Variants in DMTN observed in about 807,000 individuals in gnomAD.
DMTN encodes the protein dematin.
DMTN carries 27 observed loss-of-function variants against 59.4 expected under a neutral mutation model. The ratio of observed to expected loss-of-function variants is 0.45; its 90% CI spans 0.33 to 0.63. The LOEUF is 0.63. DMTN is among the 20% of genes least tolerant of loss of function. The pLI, the probability that DMTN is intolerant of heterozygous loss-of-function variation, is 0.02. For synonymous variants in DMTN, 221 were observed against 203.7 expected (o/e 1.08, Z -0.72); for missense variants, 451 against 528.9 (o/e 0.85, Z 1.45).
upstream of DMTN, among the ~76,000 whole-genome samples, chr8:22,050,231 C>A (rs1801204257): frequency 6.6e-6 from 1 of 152,028 alleles, no homozygotes; most frequent in Admixed American, 6.6e-5. Context: ...TTAACGGGGG[C>A]AACACCCAGC....
chr8:22,072,488 GGAGTCTC>G (rs1471114505), intron 9 of DMTN, 38 bp downstream of exon 9: 1 of 1,527,232 alleles, frequency 6.5e-7, no homozygotes, highest in Non-Finnish European at 8.8e-7. Flanking sequence ...CCCCTGTGCA[GGAGTCTC>G]GCTCTGTTGC....
intron 10 of DMTN, among the ~76,000 whole-genome samples, chr8:22,079,263 TAA>T (rs1563538034): frequency 2.1e-4 from 7 of 32,966 alleles, no homozygotes; most frequent in African/African-American, 5.0e-4. Context: ...TAAAAATAAA[TAA>T]ATAAATAAAT....
At chr8:22,052,123 C>T (rs1801418029), upstream of DMTN, among the ~76,000 whole-genome samples, 1 of 152,226 alleles carries the variant, frequency 6.6e-6, no homozygotes, top group Admixed American at 6.5e-5. Context: ...TTGGCACTAC[C>T]CCGGGATGAG....
chr8:22,054,561 A>G (rs568664218), upstream of DMTN, among the ~76,000 whole-genome samples: 147 of 130,238 alleles, frequency 1.1e-3, no homozygotes, highest in Non-Finnish European at 1.9e-3. Flanking sequence ...GCTGCCTGTC[A>G]TTGTCCCGAG....
chr8:22,052,696 T>C (rs1314223711), upstream of DMTN, among the ~76,000 whole-genome samples: 1 of 151,634 alleles, frequency 6.6e-6, no homozygotes, highest in African/African-American at 2.4e-5. Context: ...TTTTCGTACG[T>C]CCCCAAAGAG....
rs933550928 is a variant in DMTN, at chr8:22,060,182, G to T, written c.-172+3046G>T. Among the ~76,000 whole-genome samples, 1 of 152,090 alleles carries T rather than the reference G, an allele frequency of 6.6e-6. No individual in the cohort carries two copies. On this transcript the variant is annotated intron_variant, in intron 1 of 15. Transcript: ENST00000358242. The surrounding 1 kb of genome is among the most constrained non-coding windows in gnomAD (Gnocchi z 5.0). ...CCCTCCCCTCTTCCTGCTGCAGCTC[G>T]CCCTTTCTATCTCTTTGTGCACGGA...
At chr8:22,057,454 A>T (rs1803296220) in intron 1 of DMTN, among the ~76,000 whole-genome samples, 1 of 152,094 alleles carries the variant, frequency 6.6e-6, no homozygotes, top group Admixed American at 6.5e-5. Flanking sequence ...CTGTGGGGGC[A>T]CGGGGTGGGC....
rs372120020 is a variant in DMTN, at chr8:22,069,883, A to T, written c.397A>T (p.Thr133Ser). The stretch of plus-strand genomic sequence containing the variant: ...CTCATCTGTTCTTCCTCCCACAGAG[A>T]CCTCCCGCCCAGATTCCAACATCTA... ...TSLPHFHHPE[T>S]SRPDSNIYKK... Residue 133 changes from threonine (T) to serine (S), a missense_variant and splice_region_variant, in exon 7 of 16, where the codon ACC becomes TCC. By Grantham distance (58) the Thr-to-Ser change is moderately conservative (BLOSUM62 1). Transcript: ENST00000358242. The T allele has an allele frequency of 6.2e-7, 1 of 1,613,648 alleles. No homozygotes were observed. The highest frequency in any genetic ancestry group is 1.3e-5 in the African/African-American group (1 of 74,880).
intron 8 of DMTN, among the ~76,000 whole-genome samples, chr8:22,071,094 A>AT (rs1554550429): frequency 9.9e-5 from 2 of 20,210 alleles, no homozygotes; most frequent in Non-Finnish European, 4.6e-4. Flanking sequence ...TTATTTATTT[A>AT]TTTATTTATT....
At chr8:22,070,565 T>G (rs1814556469) in intron 8 of DMTN, among the ~76,000 whole-genome samples, 2 of 152,186 alleles carry the variant, frequency 1.3e-5, no homozygotes, top group Admixed American at 6.5e-5. Flanking sequence ...TTCCATTCAT[T>G]TATTTCCTGA....
intron 10 of DMTN, among the ~76,000 whole-genome samples, chr8:22,075,071 C>T (rs1818630137): frequency 1.3e-5 from 2 of 151,584 alleles, no homozygotes; most frequent in South Asian, 2.1e-4. Context: ...TCTGTAATCC[C>T]AGCTACTCAG....
Position 22,069,004 on chromosome 8 carries a change from C to T in DMTN, c.250-12C>T, listed in dbSNP as rs1039612720. On this transcript the variant is annotated splice_polypyrimidine_tract_variant and intron_variant, in intron 4 of 15. Transcript: ENST00000358242. The stretch of plus-strand genomic sequence containing the variant: ...CCCCTGTAGCTCTGACCAGCCCCCT[C>T]TCCATTCACAGCGCTCGCTGTCACC... The T allele has an allele frequency of 6.2e-7, 1 of 1,612,924 alleles. No individual in the cohort carries two copies. Among genetic ancestry groups the T allele is most frequent in the African/African-American group, 1.3e-5 (1 of 74,950 alleles).
intron 3 of DMTN, 100 bp from the exon 4 acceptor site, chr8:22,067,427 C>T (rs1326414257): frequency 2.7e-6 from 4 of 1,506,146 alleles, no homozygotes; most frequent in Non-Finnish European, 1.8e-6. Context: ...TCTGCAATGG[C>T]GGTCCATTTT....
Position 22,069,472 on chromosome 8 carries a change from A to T in DMTN, c.348A>T (p.Arg116Ser). The change falls in exon 6 of 16, where the codon AGA becomes AGT. Residue 116 changes from arginine to serine, a missense_variant. Transcript: ENST00000358242. ...PGIISQASAP[R>S]TTGTPRTSLP... ...TCATCTCTCAGGCCTCGGCCCCCAGAACCACTGGAACCCCCCGGACCAGCC... is the reference window on the plus strand; with the variant it reads ...TCATCTCTCAGGCCTCGGCCCCCAGTACCACTGGAACCCCCCGGACCAGCC... The T allele has an allele frequency of 6.2e-7, 1 of 1,613,210 alleles. No homozygotes were observed. The highest frequency in any genetic ancestry group is 8.5e-7 in the Non-Finnish European group (1 of 1,179,556).
At chr8:22,050,640 G>A (rs1318718801), upstream of DMTN, among the ~76,000 whole-genome samples, 3 of 152,100 alleles carry the variant, frequency 2.0e-5, no homozygotes, top group Non-Finnish European at 2.9e-5. Context: ...CTGGCAGGGA[G>A]GGACAGAGAA....
intron 3 of DMTN, among the ~76,000 whole-genome samples, 161 bp downstream of exon 3, chr8:22,067,320 C>T (rs1056723829): frequency 6.6e-6 from 1 of 152,180 alleles, no homozygotes. Flanking sequence ...TCCCATATCC[C>T]CCTTCCACTG....
intron 10 of DMTN, among the ~76,000 whole-genome samples, chr8:22,074,348 A>G (rs1294616362): frequency 6.6e-6 from 1 of 152,180 alleles, no homozygotes; most frequent in Non-Finnish European, 1.5e-5. Context: ...CTCTCAGCTC[A>G]CTGCAAACTC....
chr8:22,078,631 A>C (rs1269768799), intron 10 of DMTN, among the ~76,000 whole-genome samples: 2 of 151,724 alleles, frequency 1.3e-5, no homozygotes, highest in African/African-American at 4.8e-5. Context: ...TACTGGAAAC[A>C]AATTTTCCTG....
rs1380420471 is a variant in DMTN at position 22,060,004 on chromosome 8, G to T, written c.-172+2868G>T. 6.6e-6 allele frequency among the ~76,000 whole-genome samples: 1 copy of T among 151,842 alleles called. No individual in the cohort carries two copies. The highest frequency in any genetic ancestry group is 1.5e-5 in the Non-Finnish European group (1 of 67,970). The stretch of plus-strand genomic sequence containing the variant: ...TGGGTGAGGTGGGGCTGGGCTGGTG[G>T]CTCAGATAAGGCAGGGACACACAGC... On this transcript the variant is annotated intron_variant, in intron 1 of 15. Transcript: ENST00000358242. The surrounding 1 kb of genome is among the most constrained non-coding windows in gnomAD (Gnocchi z 5.0).
Sources: gnomAD v4.1 joint callset for allele counts (sites outside exome capture counted in the v4.1 genomes callset) on GRCh38, gnomAD v4.1.1 for gene constraint, Gnocchi (gnomAD v3.1) non-coding constraint, MANE v1.5 for transcripts, NCBI Gene and HGNC (gene_info 2026-07-23, HGNC 2026-07-21) for gene names.